NAALADL2: variants seen among roughly 807,000 people sequenced by gnomAD.
NAALADL2 encodes inactive N-acetylated-alpha-linked acidic dipeptidase-like protein 2.
Under a neutral mutation model 87.2 loss-of-function variants are expected in NAALADL2, and 76 were observed. That is an observed-to-expected ratio of 0.87 (90% CI 0.72 to 1.05). The LOEUF (loss-of-function observed/expected upper bound fraction) is 1.05. Ranked by LOEUF, NAALADL2 falls within the 50% of genes least tolerant of loss-of-function variation. NAALADL2 has a pLI of 0.00. For synonymous variants in NAALADL2, 354 were observed against 331.0 expected (o/e 1.07, Z -0.75); for missense variants, 1,089 against 945.8 (o/e 1.15, Z -1.99).
intron 1 of NAALADL2, among the ~76,000 whole-genome samples, chr3:175,013,148 CATATTTATAT>C (rs1560475291): frequency 6.6e-5 from 5 of 75,378 alleles, no homozygotes; most frequent in Admixed American, 2.9e-4. Context: ...ATATGTAATA[CATATTTATAT>C]ATAAATATGT....
At chr3:174,809,961 C>T (rs1422707063) in intron 3 of NAALADL2, among the ~76,000 whole-genome samples, 1 of 152,196 alleles carries the variant, frequency 6.6e-6, no homozygotes, top group African/African-American at 2.4e-5. Context: ...CCTCCCCCCT[C>T]TCTTGGTCCT....
intron 9 of NAALADL2, among the ~76,000 whole-genome samples, chr3:175,474,793 C>T (rs77624554): frequency 0.071 from 10,723 of 152,092 alleles, 475 homozygotes; most frequent in Middle Eastern, 0.11. Context: ...ACTTTGAGTG[C>T]TCACCTTGTA....
chr3:175,156,344 T>C (rs2108811232), intron 2 of NAALADL2, among the ~76,000 whole-genome samples: 1 of 129,368 alleles, frequency 7.7e-6, no homozygotes, highest in African/African-American at 2.6e-5. Flanking sequence ...TACCTCAGTG[T>C]AGATAGTATT....
At position 175,576,204 on chromosome 3, in the gene NAALADL2, A is replaced by G; in HGVS notation, c.1800+17A>G. ...ACATTAGAGGTGATTGTTCCTAAAA[A>G]ATGCAAAACACACACACACAATATA... On this transcript the variant is annotated intron_variant, in intron 10 of 13. Coordinates refer to ENST00000454872, the MANE Select transcript of NAALADL2 (RefSeq NM_207015.3). 2 of 1,607,394 alleles carry G rather than the reference A, an allele frequency of 1.2e-6. No individual in the cohort carries two copies. Among genetic ancestry groups the G allele is most frequent in the Non-Finnish European group, 1.7e-6 (2 of 1,176,988 alleles).
chr3:174,987,586 A>C (rs1385054292), intron 1 of NAALADL2, among the ~76,000 whole-genome samples: 3 of 141,866 alleles, frequency 2.1e-5, no homozygotes, highest in African/African-American at 8.3e-5. Flanking sequence ...AAAAAAAAAA[A>C]AAAAAAAAAA....
At chr3:174,541,618 A>G (rs1393684050) in intron 1 of NAALADL2, among the ~76,000 whole-genome samples, 1 of 152,228 alleles carries the variant, frequency 6.6e-6, no homozygotes, top group East Asian at 1.9e-4. Context: ...TTAATCAAAA[A>G]GCATTAACTT....
At chr3:174,934,527 A>G (rs936629090) in intron 1 of NAALADL2, among the ~76,000 whole-genome samples, 4 of 152,046 alleles carry the variant, frequency 2.6e-5, no homozygotes, top group South Asian at 4.1e-4. Context: ...AATATCAACC[A>G]TGTGCCGAGC....
chr3:174,937,893 A>C (rs1353640418), intron 1 of NAALADL2, among the ~76,000 whole-genome samples: 2 of 152,104 alleles, frequency 1.3e-5, no homozygotes, highest in African/African-American at 4.8e-5. Context: ...TCCTCTTTGC[A>C]AAAATAGAAA....
At chr3:174,691,441 A>AAC (rs1184600468) in intron 2 of NAALADL2, among the ~76,000 whole-genome samples, 3 of 151,594 alleles carry the variant, frequency 2.0e-5, no homozygotes, top group Non-Finnish European at 4.4e-5. Flanking sequence ...AACCCACAAA[A>AAC]AAAAAACTGA....
At chr3:174,966,596 T>C (rs1023318219) in intron 1 of NAALADL2, among the ~76,000 whole-genome samples, 4 of 152,116 alleles carry the variant, frequency 2.6e-5, no homozygotes, top group Admixed American at 2.0e-4. Context: ...ATTTTTCACT[T>C]ATGTGATTGT....
intron 11 of NAALADL2, among the ~76,000 whole-genome samples, chr3:175,648,439 G>A (rs765758773): frequency 6.6e-6 from 1 of 150,464 alleles, no homozygotes; most frequent in Admixed American, 6.6e-5. Flanking sequence ...TGGAACTATA[G>A]TACCCCTGTT....
chr3:175,327,377 G>C (rs1026246664), intron 5 of NAALADL2, among the ~76,000 whole-genome samples: 6 of 151,900 alleles, frequency 3.9e-5, no homozygotes, highest in Non-Finnish European at 8.8e-5. Flanking sequence ...TAATAGTCTC[G>C]ATCTCTTGAC....
chr3:175,449,311 C>T lies in NAALADL2; in HGVS notation c.1234+1939C>T, dbSNP rs575294172. 3.9e-5 allele frequency among the ~76,000 whole-genome samples: 6 copies of T among 152,000 alleles called. No homozygotes were observed. In the South Asian group the frequency reaches 1.2e-3, roughly 32 times the overall value. ...CCAGGGCTAGTCTCAAATTCCTGGG[C>T]TCAAGCAATCCTCCTGCTTGTCTCC... On this transcript the variant is annotated intron_variant, in intron 6 of 13. Coordinates refer to ENST00000454872, the MANE Select transcript of NAALADL2 (RefSeq NM_207015.3).
chr3:175,506,770 A>C (rs1209545895), intron 9 of NAALADL2, among the ~76,000 whole-genome samples: 1 of 152,204 alleles, frequency 6.6e-6, no homozygotes, highest in African/African-American at 2.4e-5. Flanking sequence ...CATGTTAAGC[A>C]ATAGTCATCA....
At chr3:175,684,007 C>T (rs1472368179) in intron 11 of NAALADL2, among the ~76,000 whole-genome samples, 1 of 151,976 alleles carries the variant, frequency 6.6e-6, no homozygotes, top group Admixed American at 6.6e-5. Flanking sequence ...TAACATTACA[C>T]ACTTGGAAAT....
intron 3 of NAALADL2, among the ~76,000 whole-genome samples, chr3:174,796,166 A>G (rs1328342943): frequency 6.6e-6 from 1 of 152,204 alleles, no homozygotes; most frequent in Non-Finnish European, 1.5e-5. Context: ...ACAAGAGAGA[A>G]GCAGACATCT....
intron 6 of NAALADL2, among the ~76,000 whole-genome samples, chr3:175,462,748 G>A (rs151228318): frequency 6.6e-6 from 1 of 152,110 alleles, no homozygotes; most frequent in Non-Finnish European, 1.5e-5. Context: ...TGGTGTCTTT[G>A]CCTTATTTGC....
At chr3:174,730,293 C>T (rs1002104109) in intron 2 of NAALADL2, among the ~76,000 whole-genome samples, 4 of 151,880 alleles carry the variant, frequency 2.6e-5, no homozygotes, top group East Asian at 1.9e-4. Flanking sequence ...TCTGTGTGTC[C>T]GTTTATATAT....
intron 11 of NAALADL2, among the ~76,000 whole-genome samples, chr3:175,666,492 A>G (rs984830329): frequency 6.6e-6 from 1 of 152,188 alleles, no homozygotes; most frequent in African/African-American, 2.4e-5. Flanking sequence ...GATATTATAC[A>G]TGTTTTATTT....
Sources: gnomAD v4.1 joint callset for allele counts (sites outside exome capture counted in the v4.1 genomes callset) on GRCh38, gnomAD v4.1.1 for gene constraint, MANE v1.5 for transcripts, NCBI Gene and HGNC (gene_info 2026-07-23, HGNC 2026-07-21) for gene names.